MICOS10: variants seen among roughly 807,000 people sequenced by gnomAD.
MICOS10 encodes MICOS complex subunit MIC10.
A neutral mutation model predicts 13.4 loss-of-function variants in MICOS10; 5 were observed. The observed-to-expected ratio is 0.37, with a 90% CI of 0.20 to 0.78. The LOEUF is 0.78. Among genes scored for constraint, MICOS10 ranks in the 30% least tolerant of loss-of-function variants. The pLI is 0.47. For missense variants in MICOS10, 101 were observed against 94.6 expected (o/e 1.07, Z -0.28); for synonymous variants, 35 against 33.6 (o/e 1.04, Z -0.15).
chr1:19,625,502 G>GC lies in MICOS10; in HGVS notation c.223-884dup. 3.1e-6 allele frequency: 4 copies of GC among 1,289,456 alleles called. No homozygotes were observed. The South Asian group carries it at 3.7e-5, about 12-fold the overall frequency. 79.9% of individuals were successfully genotyped at this position (1,289,456 alleles called of 1,614,324 possible). A position where few individuals can be genotyped will look rare whatever the true frequency, so the allele number is the denominator to read the frequency against. ...AGAGTGAGGTCATCACAGGGACCATGCAAGAAGAGGCGCAGCTGTGTGGCA... is the reference window on the plus strand; with the variant it reads ...AGAGTGAGGTCATCACAGGGACCATGCCAAGAAGAGGCGCAGCTGTGTGGCA... On this transcript the variant is annotated intron_variant, in intron 3 of 3. Coordinates refer to ENST00000322753, the MANE Select transcript of MICOS10 (RefSeq NM_001032363.4).
At chr1:19,612,864 C>T (rs977671607) in intron 1 of MICOS10, among the ~76,000 whole-genome samples, 7 of 152,186 alleles carry the variant, frequency 4.6e-5, no homozygotes, top group African/African-American at 1.7e-4. Flanking sequence ...TCAACACATC[C>T]TAAATGCAGA....
chr1:19,607,325 A>C (rs1304892241), intron 1 of MICOS10, among the ~76,000 whole-genome samples: 2 of 152,224 alleles, frequency 1.3e-5, no homozygotes, highest in African/African-American at 4.8e-5. Flanking sequence ...AACATACTTA[A>C]ATTTTTGTTC....
At chr1:19,610,916 A>C (rs190621524) in intron 1 of MICOS10, among the ~76,000 whole-genome samples, 82 of 152,216 alleles carry the variant, frequency 5.4e-4, no homozygotes, top group African/African-American at 1.8e-3. Flanking sequence ...GACTAAATTG[A>C]AATTCATTTG....
intron 2 of MICOS10, among the ~76,000 whole-genome samples, chr1:19,622,849 T>C (rs1453201639): frequency 6.6e-6 from 1 of 152,082 alleles, no homozygotes; most frequent in Non-Finnish European, 1.5e-5. Context: ...AGATATTAGT[T>C]AAACTGAGCA....
chr1:19,608,240 C>T, intron 1 of MICOS10: 1 of 1,426,736 alleles, frequency 7.0e-7, no homozygotes, highest in East Asian at 2.3e-5. Flanking sequence ...CACTTTTGTC[C>T]ATGTCACGGA....
At chr1:19,605,147 T>C (rs1337855325) in intron 1 of MICOS10, among the ~76,000 whole-genome samples, 3 of 152,162 alleles carry the variant, frequency 2.0e-5, no homozygotes, top group Non-Finnish European at 2.9e-5. Context: ...AGCTATCACA[T>C]GTTAATGCAG....
intron 1 of MICOS10, chr1:19,600,771 T>G (rs575003321): frequency 2.1e-5 from 12 of 578,034 alleles, no homozygotes; most frequent in South Asian, 1.8e-4. Flanking sequence ...CCATCTAACT[T>G]TTGTATTTTT....
At chr1:19,600,102 C>T (rs1023938968) in intron 1 of MICOS10, among the ~76,000 whole-genome samples, 2 of 152,060 alleles carry the variant, frequency 1.3e-5, no homozygotes, top group South Asian at 4.1e-4. Context: ...GCAAAGACCA[C>T]AGTTACTTTT....
chr1:19,610,827 T>A (rs1313834082), intron 1 of MICOS10, among the ~76,000 whole-genome samples: 3 of 152,220 alleles, frequency 2.0e-5, no homozygotes, highest in Non-Finnish European at 4.4e-5. Context: ...CTAAAGCAAC[T>A]GATTTAAGCA....
rs1458564647 is a variant in MICOS10 at position 19,628,099 on chromosome 1, T to C, written c.*1698T>C. 6.6e-6 allele frequency: 1 copy of C among 152,134 alleles called. No homozygotes were observed. Among genetic ancestry groups the C allele is most frequent in the Non-Finnish European group, 1.5e-5 (1 of 68,048 alleles). 9.4% of individuals were successfully genotyped at this position (152,134 alleles called of 1,614,324 possible). A position where few individuals can be genotyped will look rare whatever the true frequency, so the allele number is the denominator to read the frequency against. On this transcript the variant is annotated 3_prime_UTR_variant, in exon 4 of 4. Coordinates refer to ENST00000322753, the MANE Select transcript of MICOS10 (RefSeq NM_001032363.4). ...ACTATTTATTTATTTATTTCTGAGA[T>C]GGAATTTTGCTCTTGTTGCCCAGGC... is the stretch of plus-strand genomic sequence containing the variant.
chr1:19,626,309 C>T, intron 3 of MICOS10, 78 bp from the exon 4 acceptor site: 1 of 1,589,118 alleles, frequency 6.3e-7, no homozygotes, highest in South Asian at 1.1e-5. Flanking sequence ...CCCTTTGGGT[C>T]TGACCTGATA....
At chr1:19,597,551 A>G (rs547591028) in intron 1 of MICOS10, among the ~76,000 whole-genome samples, 1 of 152,330 alleles carries the variant, frequency 6.6e-6, no homozygotes, top group East Asian at 1.9e-4. Flanking sequence ...GGAGCATTTC[A>G]TAGACACCGC....
At chr1:19,610,122 C>T (rs2094853789) in intron 1 of MICOS10, among the ~76,000 whole-genome samples, 1 of 152,008 alleles carries the variant, frequency 6.6e-6, no homozygotes, top group East Asian at 1.9e-4. Flanking sequence ...AGCCTGGGGA[C>T]AGAGTGAGAC....
chr1:19,629,530 A>C lies in MICOS10; in HGVS notation c.*3129A>C, dbSNP rs1364015555. 1 of 152,218 alleles carries C rather than the reference A, an allele frequency of 6.6e-6. No individual in the cohort carries two copies. The highest frequency in any genetic ancestry group is 1.9e-4 in the East Asian group (1 of 5,194). 9.4% of individuals were successfully genotyped at this position (152,218 alleles called of 1,614,324 possible). A position where few individuals can be genotyped will look rare whatever the true frequency, so the allele number is the denominator to read the frequency against. On this transcript the variant is annotated 3_prime_UTR_variant, in exon 4 of 4. Transcript: ENST00000322753. The stretch of plus-strand genomic sequence containing the variant: ...GCAGAAGTATGCCTTTGTTCTGAGA[A>C]ATGGCCTCAGAACACACTGTTGAGC...
chr1:19,623,613 T>A (rs575092121), intron 3 of MICOS10, 30 bp downstream of exon 3: 2 of 1,486,912 alleles, frequency 1.3e-6, no homozygotes, highest in African/African-American at 2.8e-5. Flanking sequence ...TTCTCTTTCC[T>A]TCAGAAGAAA....
In MICOS10 at chr1:19,597,003, CGGGGG is replaced by C; in HGVS notation, c.-42_-38del. ...CGCGAGACTTTCAGGGGTCGGAGCG[CGGGGG>C]CCGGCCGAGAGGAAAGCTGGAGGCG... On this transcript the variant is annotated 5_prime_UTR_variant, in exon 1 of 4. Coordinates refer to ENST00000322753, the MANE Select transcript of MICOS10 (RefSeq NM_001032363.4). 1 of 1,562,510 alleles carries C rather than the reference CGGGGG, an allele frequency of 6.4e-7. No homozygotes were observed. Among genetic ancestry groups the C allele is most frequent in the Non-Finnish European group, 8.6e-7 (1 of 1,157,774 alleles).
chr1:19,621,320 A>G (rs1000492563), intron 1 of MICOS10, among the ~76,000 whole-genome samples: 3 of 152,166 alleles, frequency 2.0e-5, no homozygotes, highest in African/African-American at 7.2e-5. Context: ...AAGACTTGTT[A>G]CTACCCAGGT....
At chr1:19,601,210 A>T (rs143599278) in intron 1 of MICOS10, 75 of 348,594 alleles carry the variant, frequency 2.2e-4, no homozygotes, top group African/African-American at 1.6e-3. Flanking sequence ...CTTAATAGAA[A>T]ATTATCATAT....
intron 1 of MICOS10, chr1:19,608,072 A>G (rs769865892): frequency 7.6e-5 from 63 of 833,580 alleles, no homozygotes; most frequent in Admixed American, 4.1e-4. Flanking sequence ...TATAAAACCT[A>G]TAAGAGCTTT....
Sources: allele counts gnomAD v4.1 joint callset (sites outside exome capture counted in the v4.1 genomes callset), GRCh38; gene constraint gnomAD v4.1.1; transcripts MANE v1.5; gene names NCBI Gene and HGNC (gene_info 2026-07-23, HGNC 2026-07-21).